Variants in COL21A1 observed in about 807,000 individuals in gnomAD.
COL21A1 encodes collagen type XXI alpha 1 chain.
A neutral mutation model predicts 137.9 loss-of-function variants in COL21A1; 149 were observed. That is an observed-to-expected ratio of 1.08 (90% CI 0.95 to 1.24). The LOEUF (loss-of-function observed/expected upper bound fraction) is 1.24, where lower values mean the gene tolerates loss of function less well. Ranked by LOEUF, COL21A1 falls within the 50% of genes most tolerant of loss-of-function variation. The pLI is 0.00. For synonymous variants in COL21A1, 456 were observed against 391.5 expected (o/e 1.16, Z -1.95); for missense variants, 1,167 against 1,158.4 (o/e 1.01, Z -0.11).
chr6:56,092,224 T>C (rs567247063), intron 17 of COL21A1, among the ~76,000 whole-genome samples: 5 of 152,258 alleles, frequency 3.3e-5, no homozygotes, highest in African/African-American at 1.2e-4. Context: ...ATTATGTTTA[T>C]GCTCATGGGA....
At chr6:56,180,939 A>T (rs1055351862) in intron 2 of COL21A1, among the ~76,000 whole-genome samples, 5 of 152,140 alleles carry the variant, frequency 3.3e-5, no homozygotes, top group African/African-American at 1.2e-4. Context: ...GGGCCTTTGC[A>T]GTTGCTCTTC....
At chr6:56,124,038 C>A in intron 16 of COL21A1, 24 bp downstream of exon 16, 2 of 1,392,218 alleles carry the variant, frequency 1.4e-6, no homozygotes, top group Non-Finnish European at 1.9e-6. Flanking sequence ...TTTGTTTTGT[C>A]CTTTTTTTTT....
In COL21A1 at chr6:56,187,738, A is replaced by AT. The variant is rs1778391975; in HGVS notation, c.-38-5083dup. On this transcript the variant is annotated intron_variant, in intron 1 of 29. Coordinates refer to ENST00000244728, the MANE Select transcript of COL21A1 (RefSeq NM_030820.4). ...AACTATAAGTCTTCAAAGAAAAAACATAAGAGAGTATCTTCACAACTTTGG... is the reference window on the plus strand; with the variant it reads ...AACTATAAGTCTTCAAAGAAAAAACATTAAGAGAGTATCTTCACAACTTTGG... Among the ~76,000 whole-genome samples, 3 of 90,482 alleles carry AT rather than the reference A, an allele frequency of 3.3e-5. No homozygotes were observed. In the South Asian group the frequency reaches 1.4e-3, roughly 42 times the overall value. 59.4% of individuals were successfully genotyped at this position (90,482 alleles called of 152,430 possible). A position where few individuals can be genotyped will look rare whatever the true frequency, so the allele number is the denominator to read the frequency against.
At chr6:56,114,633 A>C (rs1208876319) in intron 16 of COL21A1, among the ~76,000 whole-genome samples, 1 of 151,714 alleles carries the variant, frequency 6.6e-6, no homozygotes, top group Non-Finnish European at 1.5e-5. Context: ...ATACCATCTC[A>C]CACCAGTTAG....
chr6:56,099,202 T>A lies in COL21A1; in HGVS notation c.1812+2270A>T, dbSNP rs372916873. Among the ~76,000 whole-genome samples the A allele has an allele frequency of 2.6e-5, 4 of 151,064 alleles. No homozygotes were observed. The South Asian group carries it at 6.3e-4, about 24-fold the overall frequency. On this transcript the variant is annotated intron_variant, in intron 17 of 29. Coordinates refer to ENST00000244728, the MANE Select transcript of COL21A1 (RefSeq NM_030820.4). ...TTCCAAATAACTAACTCACAAACAT[T>A]TAGAACACAGTCACAAACTAAATTT...
intron 1 of COL21A1, among the ~76,000 whole-genome samples, chr6:56,221,756 T>G (rs1780842467): frequency 6.6e-6 from 1 of 152,126 alleles, no homozygotes; most frequent in African/African-American, 2.4e-5. Flanking sequence ...TTGAATTTAT[T>G]GGATATTCTT....
chr6:56,307,664 C>G (rs1476571479), intron 1 of COL21A1, among the ~76,000 whole-genome samples: 1 of 152,220 alleles, frequency 6.6e-6, no homozygotes, highest in Admixed American at 6.5e-5. Flanking sequence ...TGACCCCTTG[C>G]TCTTCCTGGG....
chr6:56,188,274 G>A (rs1778426220), intron 1 of COL21A1, among the ~76,000 whole-genome samples: 1 of 152,174 alleles, frequency 6.6e-6, no homozygotes, highest in African/African-American at 2.4e-5. Flanking sequence ...TTTTCTGCTA[G>A]ATATGTAACC....
chr6:56,156,288 C>T (rs1561926023), intron 10 of COL21A1, among the ~76,000 whole-genome samples: 1 of 152,156 alleles, frequency 6.6e-6, no homozygotes, highest in Non-Finnish European at 1.5e-5. Context: ...CCAAGCTGGC[C>T]TTAACATTCT....
chr6:56,162,695 C>CA (rs1776282140), intron 9 of COL21A1, among the ~76,000 whole-genome samples: 1 of 152,170 alleles, frequency 6.6e-6, no homozygotes, highest in Non-Finnish European at 1.5e-5. Flanking sequence ...CTAATTTCTA[C>CA]ATTATATCTC....
At chr6:56,289,628 A>G (rs1763994579) in intron 1 of COL21A1, among the ~76,000 whole-genome samples, 1 of 152,172 alleles carries the variant, frequency 6.6e-6, no homozygotes, top group Non-Finnish European at 1.5e-5. Flanking sequence ...CCATACTCTT[A>G]GAATGACCCT....
intron 1 of COL21A1, among the ~76,000 whole-genome samples, chr6:56,198,002 C>T (rs569487030): frequency 5.3e-5 from 8 of 152,070 alleles, no homozygotes; most frequent in East Asian, 3.9e-4. Flanking sequence ...TGTGTGTACA[C>T]GTATACACAC....
chr6:56,303,714 A>G (rs1212273172), intron 1 of COL21A1, among the ~76,000 whole-genome samples: 3 of 152,098 alleles, frequency 2.0e-5, no homozygotes, highest in Non-Finnish European at 4.4e-5. Context: ...CTAATTGAAT[A>G]CCCTTTATTT....
chr6:56,260,651 G>GAA (rs1562028867), intron 1 of COL21A1, among the ~76,000 whole-genome samples: 2 of 62,338 alleles, frequency 3.2e-5, no homozygotes, highest in Non-Finnish European at 3.5e-5. Flanking sequence ...AAGGAAGGAA[G>GAA]GAAGGAATGA....
intron 6 of COL21A1, 106 bp downstream of exon 6, chr6:56,168,018 G>A (rs985929160): frequency 2.0e-5 from 15 of 766,104 alleles, no homozygotes; most frequent in Middle Eastern, 4.1e-4. Context: ...CAACTTAAGG[G>A]AATTCATAAG....
intron 3 of COL21A1, among the ~76,000 whole-genome samples, chr6:56,174,898 A>C (rs780404918): frequency 6.6e-6 from 1 of 152,142 alleles, no homozygotes; most frequent in African/African-American, 2.4e-5. Context: ...ATAGATGTAA[A>C]TATCCCCAAT....
chr6:56,223,885 A>T (rs1236985027), intron 1 of COL21A1, among the ~76,000 whole-genome samples: 2 of 152,008 alleles, frequency 1.3e-5, no homozygotes, highest in African/African-American at 4.8e-5. Context: ...ACTGTAAAGT[A>T]TTGGAAGATA....
intron 1 of COL21A1, among the ~76,000 whole-genome samples, chr6:56,306,770 G>GAGGAGC: frequency 6.7e-6 from 1 of 150,338 alleles, no homozygotes; most frequent in South Asian, 2.1e-4. Flanking sequence ...TCCGTTGCTG[G>GAGGAGC]TGCATTCCTT....
intron 19 of COL21A1, 129 bp from the exon 20 acceptor site, chr6:56,074,414 C>T: frequency 1.7e-6 from 1 of 572,778 alleles, no homozygotes; most frequent in Non-Finnish European, 2.9e-6. Context: ...AAATATAATA[C>T]AATATTTAGA....
Sources: allele counts gnomAD v4.1 joint callset (sites outside exome capture counted in the v4.1 genomes callset), GRCh38; gene constraint gnomAD v4.1.1; transcripts MANE v1.5; gene names NCBI Gene and HGNC (gene_info 2026-07-23, HGNC 2026-07-21).